Variants in NRXN3 observed in about 807,000 individuals in gnomAD.
NRXN3 encodes neurexin 3, also known as neurexin III.
Under a neutral mutation model 137.6 loss-of-function variants are expected in NRXN3, and 32 were observed. The observed-to-expected ratio is 0.23, with a 90% CI of 0.18 to 0.31. The LOEUF is 0.31. Ranked by LOEUF, NRXN3 falls within the 10% of genes least tolerant of loss-of-function variation. The pLI is 1.00. For synonymous variants in NRXN3, 798 were observed against 784.5 expected, an observed-to-expected ratio of 1.02 and a Z score of -0.29; for missense variants, 1,574 against 2,062.5, an observed-to-expected ratio of 0.76 and a Z score of 4.59.
intron 15 of NRXN3, among the ~76,000 whole-genome samples, chr14:79,050,633 A>T (rs1007336364): frequency 1.6e-4 from 25 of 152,242 alleles, no homozygotes; most frequent in Non-Finnish European, 2.9e-4. Flanking sequence ...ATTCGTTCTT[A>T]GAATTTCAGG....
chr14:78,787,183 G>T (rs1041445305), intron 8 of NRXN3, among the ~76,000 whole-genome samples: 1 of 152,098 alleles, frequency 6.6e-6, no homozygotes. Context: ...TGTATGTATA[G>T]AATTGAGGTT....
chr14:79,584,659 G>A (rs1446650554), intron 16 of NRXN3, among the ~76,000 whole-genome samples: 2 of 152,190 alleles, frequency 1.3e-5, no homozygotes, highest in Non-Finnish European at 2.9e-5. Flanking sequence ...CCACAACCCA[G>A]CTACTGCTAT....
intron 9 of NRXN3, among the ~76,000 whole-genome samples, chr14:78,807,821 A>C (rs893401574): frequency 1.3e-5 from 2 of 152,010 alleles, no homozygotes; most frequent in Non-Finnish European, 2.9e-5. Flanking sequence ...AATTTAAAAC[A>C]AAACAAAATT....
At chr14:79,716,433 A>G (rs1168470654) in intron 19 of NRXN3, among the ~76,000 whole-genome samples, 1 of 152,202 alleles carries the variant, frequency 6.6e-6, no homozygotes, top group Non-Finnish European at 1.5e-5. Context: ...ACCTTTTAGC[A>G]TGTACATTTG....
intron 16 of NRXN3, among the ~76,000 whole-genome samples, chr14:79,484,167 T>G (rs1430297700): frequency 6.6e-6 from 1 of 152,180 alleles, no homozygotes; most frequent in Non-Finnish European, 1.5e-5. Flanking sequence ...GTCATTCCCA[T>G]TGCCCCAGCA....
chr14:79,166,124 A>G (rs768424352), intron 15 of NRXN3, among the ~76,000 whole-genome samples: 1 of 151,996 alleles, frequency 6.6e-6, no homozygotes, highest in African/African-American at 2.4e-5. Context: ...GATGAATATC[A>G]TGTTAAAATA....
At chr14:78,485,502 G>A (rs1246285721) in intron 4 of NRXN3, among the ~76,000 whole-genome samples, 3 of 152,140 alleles carry the variant, frequency 2.0e-5, no homozygotes, top group Non-Finnish European at 2.9e-5. Flanking sequence ...GAGAAATAAA[G>A]CAATCTCCAT....
intron 15 of NRXN3, among the ~76,000 whole-genome samples, chr14:79,221,743 G>T (rs1451123900): frequency 6.6e-6 from 1 of 152,152 alleles, no homozygotes; most frequent in Non-Finnish European, 1.5e-5. Flanking sequence ...CTGTGCAGAA[G>T]CTCTTTAGTT....
intron 16 of NRXN3, among the ~76,000 whole-genome samples, chr14:79,558,988 CT>C (rs1340988866): frequency 2.0e-5 from 3 of 152,206 alleles, no homozygotes; most frequent in South Asian, 4.1e-4. Context: ...AAGCTTCCTA[CT>C]TTTTTTTCCT....
chr14:79,440,795 C>T (rs988748747), intron 15 of NRXN3, among the ~76,000 whole-genome samples: 6 of 152,032 alleles, frequency 3.9e-5, no homozygotes, highest in South Asian at 2.1e-4. Flanking sequence ...GTACTCAGTA[C>T]GATTATTTAC....
rs114948387 is a variant in NRXN3, at chr14:78,557,523, A to G, written c.758-87597A>G. Among the ~76,000 whole-genome samples the G allele has an allele frequency of 3.4e-3, 522 of 152,318 alleles. 2 individuals are homozygous for G. Among genetic ancestry groups the G allele is most frequent in the African/African-American group, 0.012 (506 of 41,568 alleles). On this transcript the variant is annotated intron_variant, in intron 4 of 20. Coordinates refer to ENST00000335750, the MANE Select transcript of NRXN3 (RefSeq NM_001330195.2). Reference sequence around the variant, plus strand: ...GTGTGTCATCCATAAAATGGAGCTAACAGTGACTAGTTTGTTTTGAGAATG... The same window carrying G: ...GTGTGTCATCCATAAAATGGAGCTAGCAGTGACTAGTTTGTTTTGAGAATG...
At chr14:78,341,965 T>C (rs74876103) in intron 4 of NRXN3, among the ~76,000 whole-genome samples, 1,763 of 152,272 alleles carry the variant, frequency 0.012, 34 homozygotes, top group African/African-American at 0.04. Context: ...GTTTTTACCT[T>C]GCTCTCTACA....
chr14:79,683,414 A>G (rs1403664041), intron 17 of NRXN3, among the ~76,000 whole-genome samples: 2 of 152,166 alleles, frequency 1.3e-5, no homozygotes, highest in Non-Finnish European at 2.9e-5. Flanking sequence ...GGTGAGGAGG[A>G]TATTATAAAT....
chr14:78,335,775 A>G (rs143077859), intron 4 of NRXN3, among the ~76,000 whole-genome samples: 77 of 151,848 alleles, frequency 5.1e-4, no homozygotes, highest in Admixed American at 9.2e-4. Context: ...AGACCGAAGC[A>G]CTCTCTGCAT....
At chr14:79,026,857 A>G (rs1467713369) in intron 15 of NRXN3, among the ~76,000 whole-genome samples, 1 of 151,378 alleles carries the variant, frequency 6.6e-6, no homozygotes, top group African/African-American at 2.4e-5. Flanking sequence ...GCAGAGTGAA[A>G]TCCAATTAGC....
chr14:78,702,142 T>G (rs191678377), intron 6 of NRXN3, among the ~76,000 whole-genome samples: 1 of 152,268 alleles, frequency 6.6e-6, no homozygotes, highest in Admixed American at 6.5e-5. Context: ...GTTTGATCAA[T>G]GGCATCCTGT....
intron 15 of NRXN3, among the ~76,000 whole-genome samples, chr14:79,371,742 G>T (rs1011385247): frequency 1.3e-5 from 2 of 152,018 alleles, no homozygotes; most frequent in African/African-American, 4.8e-5. Context: ...CGTTTGTGGG[G>T]AAAATTCTTA....
At chr14:78,492,094 G>A (rs1358115799) in intron 4 of NRXN3, among the ~76,000 whole-genome samples, 1 of 152,058 alleles carries the variant, frequency 6.6e-6, no homozygotes, top group African/African-American at 2.4e-5. Context: ...TAACCTTTTA[G>A]GGTTGTTTTA....
In NRXN3 at chr14:78,490,893, A is replaced by G. The variant is rs568010181; in HGVS notation, c.758-154227A>G. On this transcript the variant is annotated intron_variant, in intron 4 of 20. Coordinates refer to ENST00000335750, the MANE Select transcript of NRXN3 (RefSeq NM_001330195.2). ...CCTGCTGGCTCTTGTTTTTCTGTCC[A>G]TAGCTGACCCAAAATATTTGATGAC... is the stretch of plus-strand genomic sequence containing the variant. Among the ~76,000 whole-genome samples the G allele has an allele frequency of 2.6e-5, 4 of 152,254 alleles. No individual in the cohort carries two copies. In the East Asian group the frequency reaches 5.8e-4, roughly 22 times the overall value.
Sources: gnomAD v4.1 joint callset for allele counts (sites outside exome capture counted in the v4.1 genomes callset) on GRCh38, gnomAD v4.1.1 for gene constraint, MANE v1.5 for transcripts, NCBI Gene and HGNC (gene_info 2026-07-23, HGNC 2026-07-21) for gene names.